The following CNTN4 variants were observed in gnomAD, a reference collection of about 807,000 sequenced individuals.
The protein encoded by CNTN4 is contactin 4, also known as contactin-4.
In CNTN4, 77 loss-of-function variants were observed where a neutral mutation model predicts 122.5. That is an observed-to-expected ratio of 0.63 (90% CI 0.52 to 0.76). The LOEUF (loss-of-function observed/expected upper bound fraction) is 0.76, where lower values mean the gene tolerates loss of function less well. Among genes scored for constraint, CNTN4 ranks in the 30% least tolerant of loss-of-function variants. The pLI is 0.00. For synonymous variants in CNTN4, 512 were observed against 447.0 expected, an observed-to-expected ratio of 1.15 and a Z score of -1.83; for missense variants, 1,256 against 1,259.1, an observed-to-expected ratio of 1.00 and a Z score of 0.04.
intron 3 of CNTN4, among the ~76,000 whole-genome samples, chr3:2,350,291 C>G (rs1666343): frequency 0.35 from 52,414 of 151,728 alleles, 9,220 homozygotes; most frequent in Admixed American, 0.4. Context: ...CAGCAGTGTT[C>G]TTTAAGAGTG....
chr3:2,320,419 A>T (rs533505128), intron 2 of CNTN4, among the ~76,000 whole-genome samples: 53 of 152,252 alleles, frequency 3.5e-4, no homozygotes, highest in African/African-American at 1.2e-3. Context: ...TTTTATTTAA[A>T]CCTGGCCTTA....
chr3:3,032,749 C>G (rs1030295205), intron 16 of CNTN4, among the ~76,000 whole-genome samples: 4 of 152,210 alleles, frequency 2.6e-5, no homozygotes, highest in African/African-American at 9.6e-5. Context: ...CAGAATCAAA[C>G]TAATCTTCCC....
intron 3 of CNTN4, among the ~76,000 whole-genome samples, chr3:2,466,885 G>A (rs996662691): frequency 2.0e-5 from 3 of 151,604 alleles, no homozygotes; most frequent in Non-Finnish European, 2.9e-5. Flanking sequence ...AGTAGAGAAA[G>A]TAGAGGGTCC....
chr3:2,951,257 G>T (rs768197497), intron 13 of CNTN4, among the ~76,000 whole-genome samples: 8 of 152,188 alleles, frequency 5.3e-5, no homozygotes, highest in Non-Finnish European at 8.8e-5. Flanking sequence ...CAGATGGCGG[G>T]TGGGGTGGGA....
At chr3:2,798,705 C>T (rs1451204273) in intron 6 of CNTN4, among the ~76,000 whole-genome samples, 4 of 152,008 alleles carry the variant, frequency 2.6e-5, no homozygotes, top group African/African-American at 9.7e-5. Context: ...GAGATGCGGC[C>T]TTGTCATGTT....
intron 6 of CNTN4, among the ~76,000 whole-genome samples, chr3:2,815,451 C>T (rs113592466): frequency 0.021 from 3,172 of 152,188 alleles, 124 homozygotes; most frequent in African/African-American, 0.072. Flanking sequence ...AGACAGTTCT[C>T]AAAAGAGGAT....
chr3:2,588,129 AAGT>A (rs1559274135), intron 4 of CNTN4, among the ~76,000 whole-genome samples: 1 of 152,092 alleles, frequency 6.6e-6, no homozygotes, highest in Non-Finnish European at 1.5e-5. Context: ...TATAAGTAAA[AAGT>A]AGCCGTAAAG....
chr3:2,169,663 C>G (rs576374425), intron 2 of CNTN4, among the ~76,000 whole-genome samples: 30 of 152,152 alleles, frequency 2.0e-4, no homozygotes, highest in African/African-American at 7.2e-4. Context: ...TCCCAAAGTG[C>G]TGGGATTACA....
intron 2 of CNTN4, among the ~76,000 whole-genome samples, chr3:2,264,872 A>C (rs562031485): frequency 1.3e-5 from 2 of 152,044 alleles, no homozygotes; most frequent in African/African-American, 2.4e-5. Context: ...TTTATTTTTC[A>C]TTTCAATAGG....
intron 2 of CNTN4, among the ~76,000 whole-genome samples, chr3:2,251,108 A>G (rs893071313): frequency 6.6e-6 from 1 of 151,888 alleles, no homozygotes; most frequent in Admixed American, 6.6e-5. Context: ...AAAACCGATC[A>G]TCTGACCAAT....
At chr3:2,552,160 G>T (rs145430354) in intron 3 of CNTN4, among the ~76,000 whole-genome samples, 2 of 152,102 alleles carry the variant, frequency 1.3e-5, no homozygotes, top group South Asian at 2.1e-4. Context: ...ACTTAAATGG[G>T]TTCATAGATC....
intron 6 of CNTN4, among the ~76,000 whole-genome samples, chr3:2,765,895 A>G (rs2090836167): frequency 6.6e-6 from 1 of 152,222 alleles, no homozygotes; most frequent in Admixed American, 6.5e-5. Context: ...ACAGAAACTA[A>G]CATTGTTGGT....
At chr3:2,286,272 G>A in intron 2 of CNTN4, among the ~76,000 whole-genome samples, 1 of 126,730 alleles carries the variant, frequency 7.9e-6, no homozygotes, top group Non-Finnish European at 1.6e-5. Context: ...ATACATATTT[G>A]GACTTTAAAA....
rs200046341 is a variant in CNTN4 at position 2,183,971 on chromosome 3, AT to A, written c.-145+83342del. ...AATATATTTTGTTCACATAAACTGA[AT>A]TTTTTTTTTCTTTTTTTGAGACGTG... On this transcript the variant is annotated intron_variant, in intron 2 of 24. Transcript: ENST00000418658. Among the ~76,000 whole-genome samples, 265 of 150,320 alleles carry A rather than the reference AT, an allele frequency of 1.8e-3. 2 individuals carry two copies. The highest frequency in any genetic ancestry group is 4.0e-3 in the African/African-American group (165 of 40,962).
intron 4 of CNTN4, among the ~76,000 whole-genome samples, chr3:2,640,233 G>A (rs1049276768): frequency 6.6e-6 from 1 of 152,160 alleles, no homozygotes; most frequent in African/African-American, 2.4e-5. Flanking sequence ...TCTAAATTGA[G>A]TAACAAAAGC....
chr3:2,144,413 C>T (rs543696894), intron 2 of CNTN4, among the ~76,000 whole-genome samples: 2 of 152,266 alleles, frequency 1.3e-5, no homozygotes, highest in South Asian at 2.1e-4. Context: ...TTGGTTCTAC[C>T]TTACGGGATT....
chr3:2,674,316 G>T (rs2084710037), intron 4 of CNTN4, among the ~76,000 whole-genome samples: 1 of 151,878 alleles, frequency 6.6e-6, no homozygotes, highest in South Asian at 2.1e-4. Flanking sequence ...TATTTATGGG[G>T]TTCAGTGTGA....
chr3:2,887,253 A>G (rs1167425061), intron 10 of CNTN4, 29 bp downstream of exon 10: 10 of 1,593,560 alleles, frequency 6.3e-6, no homozygotes, highest in Non-Finnish European at 7.7e-6. Flanking sequence ...TTTATCATTT[A>G]TAGTGCTACA....
chr3:3,007,753 A>C (rs1696800112), intron 14 of CNTN4, among the ~76,000 whole-genome samples: 1 of 152,190 alleles, frequency 6.6e-6, no homozygotes, highest in Non-Finnish European at 1.5e-5. Context: ...GCAAGATAAA[A>C]GTAGGGTATG....
Sources: gnomAD v4.1 joint callset for allele counts (sites outside exome capture counted in the v4.1 genomes callset) on GRCh38, gnomAD v4.1.1 for gene constraint, MANE v1.5 for transcripts, NCBI Gene and HGNC (gene_info 2026-07-23, HGNC 2026-07-21) for gene names.